Variants in BMAL1 observed in about 807,000 individuals in gnomAD.
BMAL1 encodes the protein basic helix-loop-helix ARNT like 1.
the BMAL1 span, among the ~76,000 whole-genome samples, chr11:13,374,496 T>G: frequency 6.6e-6 from 1 of 152,178 alleles, no homozygotes; most frequent in African/African-American, 2.4e-5. Context: ...GATTCTCTTT[T>G]CCATTCAAGC....
chr11:13,355,909 C>G, the BMAL1 span, among the ~76,000 whole-genome samples: 1 of 152,158 alleles, frequency 6.6e-6, no homozygotes, highest in Non-Finnish European at 1.5e-5. Context: ...TCTCTCCTTT[C>G]CTGTGGGATA....
the BMAL1 span, chr11:13,378,773 ACTTT>A: frequency 3.5e-6 from 1 of 288,148 alleles, no homozygotes; most frequent in Non-Finnish European, 6.5e-6. Context: ...AGAAGACTTA[ACTTT>A]CTTATGGCTC....
chr11:13,381,313 TGGG>T, the BMAL1 span: 1 of 1,556,932 alleles, frequency 6.4e-7, no homozygotes, highest in South Asian at 1.1e-5. Context: ...TCTGAAATGT[TGGG>T]GGTGGGAGTA....
chr11:13,337,530 T>C, the BMAL1 span, among the ~76,000 whole-genome samples: 1 of 152,230 alleles, frequency 6.6e-6, no homozygotes, highest in Non-Finnish European at 1.5e-5. Flanking sequence ...GAAATTACTT[T>C]GTCAAAAGAT....
chr11:13,303,055 G>A, the BMAL1 span, among the ~76,000 whole-genome samples: 3 of 152,240 alleles, frequency 2.0e-5, no homozygotes, highest in South Asian at 2.1e-4. Context: ...AGGGATTTAC[G>A]TTCGTGATCT....
chr11:13,288,414 C>T, the BMAL1 span, among the ~76,000 whole-genome samples: 1 of 17,536 alleles, frequency 5.7e-5, no homozygotes, highest in Non-Finnish European at 1.9e-4. Flanking sequence ...TTCTTTCTTT[C>T]TTTTTTTTTC....
the BMAL1 span, among the ~76,000 whole-genome samples, chr11:13,280,446 C>T: frequency 1.7e-4 from 26 of 152,344 alleles, no homozygotes; most frequent in African/African-American, 6.3e-4. Context: ...TAGTTAATAT[C>T]TCTCTTTGGT....
At chr11:13,380,204 G>C in the BMAL1 span, 1 of 152,250 alleles carries the variant, frequency 6.6e-6, no homozygotes, top group Non-Finnish European at 1.5e-5. Context: ...GCAGCCGTTT[G>C]TGCATGCTGA....
chr11:13,341,084 A>G, the BMAL1 span, among the ~76,000 whole-genome samples: 8 of 152,068 alleles, frequency 5.3e-5, no homozygotes, highest in Admixed American at 2.6e-4. Flanking sequence ...CCCTCACTCT[A>G]TTGTCAAAAC....
the BMAL1 span, chr11:13,360,569 G>T: frequency 1.5e-6 from 1 of 685,290 alleles, no homozygotes; most frequent in Non-Finnish European, 2.4e-6. Context: ...TTATCTTATT[G>T]TTTGGACAGG....
At chr11:13,277,363 G>C in the BMAL1 span, among the ~76,000 whole-genome samples, 9 of 152,186 alleles carry the variant, frequency 5.9e-5, no homozygotes, top group East Asian at 1.9e-4. Flanking sequence ...CCCGAGGAGC[G>C]CGGCTTGGGC....
chr11:13,299,122 GCCC>G, the BMAL1 span, among the ~76,000 whole-genome samples: 1 of 152,204 alleles, frequency 6.6e-6, no homozygotes, highest in Non-Finnish European at 1.5e-5. Flanking sequence ...TGATGTTTGT[GCCC>G]CCTCCCAAGG....
chr11:13,300,436 A>G, the BMAL1 span, among the ~76,000 whole-genome samples: 3 of 152,338 alleles, frequency 2.0e-5, no homozygotes, highest in Non-Finnish European at 4.4e-5. Flanking sequence ...GGAATCATCT[A>G]TGTTGGGGTT....
the BMAL1 span, chr11:13,356,444 TACA>T: frequency 1.7e-6 from 1 of 574,392 alleles, no homozygotes. Context: ...TTATAAACAC[TACA>T]TATTCCCAAT....
the BMAL1 span, among the ~76,000 whole-genome samples, chr11:13,282,255 G>A: frequency 6.6e-6 from 1 of 152,140 alleles, no homozygotes; most frequent in African/African-American, 2.4e-5. Context: ...ATTTTCTTTT[G>A]CTCTCTATGC....
the BMAL1 span, among the ~76,000 whole-genome samples, chr11:13,306,761 G>T: frequency 6.6e-6 from 1 of 152,248 alleles, no homozygotes; most frequent in African/African-American, 2.4e-5. Context: ...GTAGTTACTG[G>T]TTCCATGACT....
At chr11:13,316,085 G>A in the BMAL1 span, among the ~76,000 whole-genome samples, 1 of 152,112 alleles carries the variant, frequency 6.6e-6, no homozygotes, top group African/African-American at 2.4e-5. Flanking sequence ...AAGGAAAGGG[G>A]CCCCCTTTGT....
chr11:13,297,196 G>T, the BMAL1 span, among the ~76,000 whole-genome samples: 1 of 152,208 alleles, frequency 6.6e-6, no homozygotes, highest in Non-Finnish European at 1.5e-5. Flanking sequence ...GCTACACCTG[G>T]CTGGAGCCCT....
At chr11:13,277,861 A>ACCGCCG in the BMAL1 span, 18 of 151,362 alleles carry the variant, frequency 1.2e-4, no homozygotes, top group East Asian at 1.4e-3. Flanking sequence ...CGCCGGACTC[A>ACCGCCG]CCGCCGCCGC....
Sources: gnomAD v4.1 joint callset for allele counts (sites outside exome capture counted in the v4.1 genomes callset) on GRCh38, gnomAD v4.1.1 for gene constraint, MANE v1.5 for transcripts, NCBI Gene and HGNC (gene_info 2026-07-23, HGNC 2026-07-21) for gene names.